The following CTDP1 variants were observed in gnomAD, a reference collection of about 807,000 sequenced individuals.
CTDP1 encodes RNA polymerase II subunit A C-terminal domain phosphatase.
A neutral mutation model predicts 91.8 loss-of-function variants in CTDP1; 47 were observed. The observed-to-expected ratio is 0.51, with a 90% CI of 0.41 to 0.65. The LOEUF (loss-of-function observed/expected upper bound fraction) is 0.65, where lower values mean the gene tolerates loss of function less well. CTDP1 is among the 30% of genes least tolerant of loss of function. The pLI is 0.00. For synonymous variants in CTDP1, 656 were observed against 598.5 expected, an observed-to-expected ratio of 1.10 and a Z score of -1.40; for missense variants, 1,272 against 1,373.7, an observed-to-expected ratio of 0.93 and a Z score of 1.17.
chr18:79,736,237 G>A (rs368614048), intron 11 of CTDP1, 118 bp from the exon 12 acceptor site: 6 of 1,317,944 alleles, frequency 4.6e-6, no homozygotes, highest in African/African-American at 1.5e-5. Flanking sequence ...AAAGCAGAGT[G>A]CTACCTCCAG....
At chr18:79,735,776 C>G (rs558059382) in intron 11 of CTDP1, 1 of 159,688 alleles carries the variant, frequency 6.3e-6, no homozygotes, top group Admixed American at 5.9e-5. Flanking sequence ...GTCCGCGTCA[C>G]ACGTGTCAGG....
rs1003476271 is a variant in CTDP1 at position 79,706,536 on chromosome 18, A to G, written c.772+1619A>G. On this transcript the variant is annotated intron_variant, in intron 5 of 12. Transcript: ENST00000613122. ...ATTATTCCTCACGCTCATCATATCC[A>G]TGGCTGTCCCCTATTCTCTGGTTTT... 3.3e-5 allele frequency among the ~76,000 whole-genome samples: 5 copies of G among 151,936 alleles called. 1 individual carries two copies. The South Asian group carries it at 8.3e-4, about 25-fold the overall frequency.
At chr18:79,721,678 A>G (rs762525719) in intron 10 of CTDP1, among the ~76,000 whole-genome samples, 36 of 152,102 alleles carry the variant, frequency 2.4e-4, no homozygotes, top group Non-Finnish European at 4.6e-4. Flanking sequence ...TCTCGAGCTC[A>G]GGAGTTCAAG....
intron 11 of CTDP1, chr18:79,736,062 A>G: frequency 4.2e-6 from 2 of 475,328 alleles, no homozygotes; most frequent in Non-Finnish European, 7.7e-6. Context: ...CATAAAATCC[A>G]ACAGTGCACC....
Position 79,710,386 on chromosome 18 carries a change from A to G in CTDP1, c.813A>G (p.Ile271Met). 1 of 1,614,034 alleles carries G rather than the reference A, an allele frequency of 6.2e-7. No homozygotes were observed. Among genetic ancestry groups the G allele is most frequent in the Non-Finnish European group, 8.5e-7 (1 of 1,179,976 alleles). The change falls in exon 6 of 13, where the codon ATA becomes ATG. Residue 271 changes from isoleucine (I) to methionine (M), a missense_variant. Coordinates refer to ENST00000613122, the MANE Select transcript of CTDP1 (RefSeq NM_004715.5). ...DPEKKLFSHR[I>M]LSRDECIDPF... ...AGAAGAAGCTTTTTTCTCACCGAATATTATCAAGGGATGAATGTATTGACC... is the reference window on the plus strand; with the variant it reads ...AGAAGAAGCTTTTTTCTCACCGAATGTTATCAAGGGATGAATGTATTGACC...
At chr18:79,705,002 G>C (rs2085938750) in intron 5 of CTDP1, 85 bp downstream of exon 5, 3 of 1,584,234 alleles carry the variant, frequency 1.9e-6, no homozygotes, top group Non-Finnish European at 2.6e-6. Flanking sequence ...GATGAAGAAA[G>C]AAAAGAAGCT....
In CTDP1 at chr18:79,753,941, A is replaced by G. The variant is rs953484966; in HGVS notation, c.*151A>G. On this transcript the variant is annotated 3_prime_UTR_variant, in exon 13 of 13. Transcript: ENST00000613122. ...CACATACAGAAACACATTATTTTGC[A>G]GAAATAGGTGTTTTTAAGAAGTTTT... 4.5e-6 allele frequency: 5 copies of G among 1,109,314 alleles called. No individual in the cohort carries two copies. The African/African-American group carries it at 7.8e-5, about 17-fold the overall frequency. The allele number at this position is 1,109,314 out of a possible 1,614,324, so 68.7% of individuals were successfully genotyped here. A position where few individuals can be genotyped will look rare whatever the true frequency, so the allele number is the denominator to read the frequency against.
intron 12 of CTDP1, among the ~76,000 whole-genome samples, chr18:79,751,273 G>A (rs1328641447): frequency 2.5e-4 from 36 of 143,656 alleles, no homozygotes; most frequent in Admixed American, 1.2e-3. Flanking sequence ...GGCACACAGG[G>A]CAGGCCAGGG....
chr18:79,727,773 G>A (rs183404915), intron 10 of CTDP1, among the ~76,000 whole-genome samples: 2 of 152,256 alleles, frequency 1.3e-5, no homozygotes, highest in South Asian at 2.1e-4. Context: ...TATCTGGGAC[G>A]CACGCTTAGT....
At position 79,715,073 on chromosome 18, in the gene CTDP1, G is replaced by C; in HGVS notation, c.1613G>C (p.Arg538Pro). 6.2e-7 allele frequency: 1 copy of C among 1,612,684 alleles called. No individual in the cohort carries two copies. The highest frequency in any genetic ancestry group is 8.5e-7 in the Non-Finnish European group (1 of 1,179,764). ...PELGGQEEGE[R>P]DGLCGLGNGC... Reference sequence around the variant, plus strand: ...CTGGGTGGGCAGGAGGAGGGCGAGCGGGATGGCCTCTGCGGCCTGGGCAAC... The same window carrying C: ...CTGGGTGGGCAGGAGGAGGGCGAGCCGGATGGCCTCTGCGGCCTGGGCAAC... Residue 538 changes from arginine to proline, a missense_variant, in exon 8 of 13, where the codon CGG becomes CCG. By Grantham distance (103) the Arg-to-Pro change is moderately radical. Around this residue, in one of 3 missense-constraint regions of CTDP1, gnomAD observed 881 missense variants for 911.6 expected, o/e 0.97. Transcript: ENST00000613122.
At chr18:79,727,827 G>T (rs2086481592) in intron 10 of CTDP1, among the ~76,000 whole-genome samples, 1 of 152,170 alleles carries the variant, frequency 6.6e-6, no homozygotes, top group Non-Finnish European at 1.5e-5. Flanking sequence ...AGAACCAGCA[G>T]CTAGAAACAG....
At chr18:79,708,633 A>G (rs146593614) in intron 5 of CTDP1, among the ~76,000 whole-genome samples, 1,578 of 152,370 alleles carry the variant, frequency 0.01, 11 homozygotes, top group Middle Eastern at 0.024. Flanking sequence ...TTGGGTTCAC[A>G]GTGCTTTTGA....
intron 12 of CTDP1, among the ~76,000 whole-genome samples, chr18:79,744,154 C>A (rs1267757760): frequency 6.6e-6 from 1 of 152,192 alleles, no homozygotes; most frequent in Non-Finnish European, 1.5e-5. Context: ...TTCCAGCTGT[C>A]CCACCTTTCC....
chr18:79,751,544 T>C (rs1043928384), intron 12 of CTDP1, among the ~76,000 whole-genome samples: 1 of 152,220 alleles, frequency 6.6e-6, no homozygotes, highest in African/African-American at 2.4e-5. Context: ...TCTTGTCTTC[T>C]GTTGGTTCCA....
At chr18:79,704,975 G>C in intron 5 of CTDP1, 58 bp downstream of exon 5, 1 of 1,606,508 alleles carries the variant, frequency 6.2e-7, no homozygotes, top group Non-Finnish European at 8.5e-7. Flanking sequence ...TCCTGTTTTC[G>C]GTGATGGTTT....
intron 1 of CTDP1, chr18:79,680,893 C>T (rs2085350171): frequency 1.3e-5 from 2 of 152,294 alleles, no homozygotes; most frequent in Non-Finnish European, 2.9e-5. Context: ...GTTTCCGTAG[C>T]ACCGAAGTGT....
chr18:79,707,508 C>T (rs562335340), intron 5 of CTDP1, among the ~76,000 whole-genome samples: 12 of 152,358 alleles, frequency 7.9e-5, no homozygotes, highest in African/African-American at 2.6e-4. Flanking sequence ...GTCACCGGGC[C>T]GTCTGGTGCC....
intron 4 of CTDP1, among the ~76,000 whole-genome samples, chr18:79,700,344 A>G (rs546600588): frequency 2.6e-5 from 4 of 152,364 alleles, no homozygotes; most frequent in African/African-American, 7.2e-5. Context: ...AATGCAAAGG[A>G]AAAGTTCTTG....
Position 79,717,840 on chromosome 18 carries a change from G to A in CTDP1, c.2241G>A (p.Arg747=), listed in dbSNP as rs151072597. The A allele has an allele frequency of 3.7e-6, 6 of 1,613,534 alleles. No homozygotes were observed. The South Asian group carries it at 5.5e-5, about 15-fold the overall frequency. The change falls in exon 10 of 13, where the codon CGG becomes CGA. Residue 747 remains arginine (R), a synonymous_variant. Transcript: ENST00000613122. ...RENSPAAFPD[R]EGVPPTALFH... ...ACAGCCCTGCGGCCTTTCCCGACCG[G>A]GAGGGTGTGCCCCCCACCGCCTTGT... is the stretch of plus-strand genomic sequence containing the variant.
Sources: allele counts gnomAD v4.1 joint callset (sites outside exome capture counted in the v4.1 genomes callset), GRCh38; gene constraint gnomAD v4.1.1; regional missense constraint gnomAD v4.1.1; transcripts MANE v1.5; gene names NCBI Gene and HGNC (gene_info 2026-07-23, HGNC 2026-07-21).